Variants in CNBD1 observed in about 807,000 individuals in gnomAD.
CNBD1 encodes cyclic nucleotide-binding domain-containing protein 1.
In CNBD1, 71 loss-of-function variants were observed where a neutral mutation model predicts 54.4. The observed-to-expected ratio is 1.30, with a 90% CI of 1.08 to 1.59. The LOEUF (loss-of-function observed/expected upper bound fraction) is 1.59, where lower values mean the gene tolerates loss of function less well. Ranked by LOEUF, CNBD1 falls within the 40% of genes most tolerant of loss-of-function variation. The pLI, the probability that CNBD1 is intolerant of heterozygous loss-of-function variation, is 0.00. For missense variants in CNBD1, 659 were observed against 518.0 expected, an observed-to-expected ratio of 1.27 and a Z score of -2.64; for synonymous variants, 182 against 170.7, an observed-to-expected ratio of 1.07 and a Z score of -0.51.
intron 6 of CNBD1, among the ~76,000 whole-genome samples, chr8:87,243,496 C>T (rs562334434): frequency 4.3e-4 from 66 of 152,216 alleles, no homozygotes; most frequent in South Asian, 1.2e-3. Flanking sequence ...CCATTCCCTG[C>T]GGTCAGTGCT....
intron 6 of CNBD1, among the ~76,000 whole-genome samples, chr8:87,276,587 G>A (rs1250986862): frequency 1.3e-5 from 2 of 151,908 alleles, no homozygotes; most frequent in Admixed American, 6.6e-5. Context: ...TCTATTGAAT[G>A]TCAGTCTGCT....
chr8:87,032,480 A>G (rs1809816108), intron 4 of CNBD1, among the ~76,000 whole-genome samples: 1 of 152,210 alleles, frequency 6.6e-6, no homozygotes, highest in South Asian at 2.1e-4. Flanking sequence ...GTGGAAGTGA[A>G]TCATCATAAA....
At chr8:87,414,894 C>A (rs1195238595) in intron 2 of CNBD1, among the ~76,000 whole-genome samples, 1 of 151,998 alleles carries the variant, frequency 6.6e-6, no homozygotes, top group Non-Finnish European at 1.5e-5. Context: ...CACAGAGCTT[C>A]ACAGGCAGGA....
intron 8 of CNBD1, among the ~76,000 whole-genome samples, chr8:87,301,421 G>T (rs547412983): frequency 6.6e-6 from 1 of 152,198 alleles, no homozygotes. Context: ...CAATAGCCTT[G>T]ATGAACACAG....
intron 4 of CNBD1, among the ~76,000 whole-genome samples, chr8:87,185,014 A>G (rs951568445): frequency 7.2e-5 from 11 of 152,142 alleles, no homozygotes; most frequent in African/African-American, 2.7e-4. Context: ...TATTTTCCGA[A>G]TATATTTGGG....
intron 4 of CNBD1, among the ~76,000 whole-genome samples, chr8:87,130,513 A>C (rs1051936952): frequency 5.3e-5 from 8 of 151,968 alleles, no homozygotes; most frequent in African/African-American, 1.7e-4. Context: ...GTGGTGGTTC[A>C]CACCTCTAAT....
chr8:87,324,211 T>G (rs1255642606), intron 8 of CNBD1, among the ~76,000 whole-genome samples: 3 of 129,714 alleles, frequency 2.3e-5, no homozygotes, highest in African/African-American at 2.9e-5. Context: ...TTGCCAGTAT[T>G]TTATTGAGGA....
intron 4 of CNBD1, among the ~76,000 whole-genome samples, chr8:87,053,479 T>G (rs1293985740): frequency 6.6e-6 from 1 of 152,206 alleles, no homozygotes; most frequent in African/African-American, 2.4e-5. Flanking sequence ...AAGGCATTCC[T>G]TAGTCTCTTT....
chr8:87,180,761 T>G (rs1315487213), intron 4 of CNBD1, among the ~76,000 whole-genome samples: 1 of 151,594 alleles, frequency 6.6e-6, no homozygotes, highest in African/African-American at 2.4e-5. Flanking sequence ...GAGGGAGGAG[T>G]GTGTGTTTGA....
intron 10 of CNBD1, among the ~76,000 whole-genome samples, chr8:87,372,327 T>A (rs1028593656): frequency 6.6e-6 from 1 of 152,012 alleles, no homozygotes; most frequent in Non-Finnish European, 1.5e-5. Flanking sequence ...GTTGTAGATA[T>A]CTTTTAGTTT....
chr8:87,101,888 A>ATT (rs373181788), intron 4 of CNBD1, among the ~76,000 whole-genome samples: 16 of 137,434 alleles, frequency 1.2e-4, no homozygotes, highest in Non-Finnish European at 1.6e-4. Context: ...AGTAGATTTA[A>ATT]TTTTTTTTTT....
chr8:86,917,603 GC>G (rs1809207462), intron 3 of CNBD1, among the ~76,000 whole-genome samples: 1 of 152,158 alleles, frequency 6.6e-6, no homozygotes, highest in South Asian at 2.1e-4. Context: ...AGACCAAGCT[GC>G]TGAGTCAGGA....
chr8:87,193,636 A>AT (rs1221791963), intron 4 of CNBD1, among the ~76,000 whole-genome samples: 1 of 152,192 alleles, frequency 6.6e-6, no homozygotes, highest in Admixed American at 6.5e-5. Context: ...GCAATTTTCC[A>AT]TGAATGAAGT....
intron 3 of CNBD1, among the ~76,000 whole-genome samples, chr8:86,916,962 C>T (rs990973950): frequency 6.6e-6 from 1 of 151,806 alleles, no homozygotes; most frequent in African/African-American, 2.4e-5. Context: ...CCTCCACCTC[C>T]TGGGTTCTAG....
intron 4 of CNBD1, among the ~76,000 whole-genome samples, chr8:87,035,257 C>T (rs944248980): frequency 6.6e-6 from 1 of 151,982 alleles, no homozygotes; most frequent in African/African-American, 2.4e-5. Context: ...GGGGATTGGG[C>T]TTCTAGTATA....
chr8:87,264,134 C>T (rs1586374510), intron 6 of CNBD1, among the ~76,000 whole-genome samples: 3 of 152,142 alleles, frequency 2.0e-5, no homozygotes, highest in African/African-American at 7.2e-5. Flanking sequence ...TCTCTTAATG[C>T]TATCCCTCCC....
At chr8:87,228,614 G>C (rs961020694) in intron 5 of CNBD1, among the ~76,000 whole-genome samples, 1 of 151,332 alleles carries the variant, frequency 6.6e-6, no homozygotes, top group Non-Finnish European at 1.5e-5. Context: ...ATCTCCAGCT[G>C]CGTGCTGGGA....
chr8:86,990,993 G>C (rs1352216391), intron 4 of CNBD1, among the ~76,000 whole-genome samples: 1 of 152,048 alleles, frequency 6.6e-6, no homozygotes, highest in Non-Finnish European at 1.5e-5. Context: ...ATTGTTTACT[G>C]TCATTATATA....
At chr8:87,424,251 A>C (rs184657956) in intron 2 of CNBD1, among the ~76,000 whole-genome samples, 16 of 151,990 alleles carry the variant, frequency 1.1e-4, no homozygotes, top group Admixed American at 5.2e-4. Flanking sequence ...AATTTTTTGA[A>C]GGGTTTTTTG....
Sources: allele counts gnomAD v4.1 joint callset (sites outside exome capture counted in the v4.1 genomes callset), GRCh38; gene constraint gnomAD v4.1.1; transcripts MANE v1.5; gene names NCBI Gene and HGNC (gene_info 2026-07-23, HGNC 2026-07-21).